Variants in NCOA1 observed in about 807,000 individuals in gnomAD.
The protein encoded by NCOA1 is Hin-2 protein.
A neutral mutation model predicts 150.9 loss-of-function variants in NCOA1; 35 were observed. The observed-to-expected ratio is 0.23, with a 90% CI of 0.18 to 0.31. NCOA1 has a LOEUF of 0.31. NCOA1 is among the 10% of genes least tolerant of loss of function. The probability of loss-of-function intolerance (pLI) is 1.00; values close to 1 mark genes in which losing one functional copy is unlikely to be tolerated. For missense variants in NCOA1, 1,491 were observed against 1,749.3 expected (o/e 0.85, Z 2.63); for synonymous variants, 590 against 630.0 (o/e 0.94, Z 0.95).
chr2:24,527,306 C>T (rs1488067226), intron 1 of NCOA1, among the ~76,000 whole-genome samples: 1 of 152,152 alleles, frequency 6.6e-6, no homozygotes, highest in African/African-American at 2.4e-5. Flanking sequence ...TTTTGACCAA[C>T]ATCATCCAGT....
At chr2:24,691,749 A>T (rs1672676915) in intron 9 of NCOA1, 89 bp downstream of exon 9, 4 of 1,393,338 alleles carry the variant, frequency 2.9e-6, no homozygotes, top group Non-Finnish European at 2.9e-6. Context: ...CCTTTTTCAG[A>T]TAGTATTTTT....
intron 19 of NCOA1, among the ~76,000 whole-genome samples, chr2:24,745,564 CTTCTT>C (rs1271979577): frequency 1.3e-5 from 2 of 152,306 alleles, no homozygotes; most frequent in Non-Finnish European, 2.9e-5. Context: ...CATTTAGAGA[CTTCTT>C]TTCTGTGAAC....
At chr2:24,760,840 G>A (rs747697023) in intron 21 of NCOA1, among the ~76,000 whole-genome samples, 5 of 151,400 alleles carry the variant, frequency 3.3e-5, no homozygotes, top group African/African-American at 4.9e-5. Flanking sequence ...TTTTGTTGTC[G>A]TTTTTTGTTT....
intron 3 of NCOA1, among the ~76,000 whole-genome samples, chr2:24,601,907 A>G (rs1166183963): frequency 6.6e-6 from 1 of 152,172 alleles, no homozygotes; most frequent in African/African-American, 2.4e-5. Context: ...AAGTGCTGGG[A>G]TAACAGGCGT....
At chr2:24,599,983 C>T (rs1011859075) in intron 3 of NCOA1, among the ~76,000 whole-genome samples, 14 of 151,974 alleles carry the variant, frequency 9.2e-5, no homozygotes, top group African/African-American at 2.7e-4. Flanking sequence ...CACCCGCCTC[C>T]GCCTCCCAAA....
intron 1 of NCOA1, among the ~76,000 whole-genome samples, chr2:24,537,949 T>A (rs911928670): frequency 3.9e-5 from 6 of 152,210 alleles, no homozygotes; most frequent in Non-Finnish European, 7.3e-5. Flanking sequence ...AAGGGGACAA[T>A]CCATAGCAAA....
chr2:24,526,052 T>C (rs1664639506), intron 1 of NCOA1, among the ~76,000 whole-genome samples: 2 of 152,234 alleles, frequency 1.3e-5, no homozygotes, highest in Admixed American at 6.5e-5. Flanking sequence ...TATGCTTCTC[T>C]TTTCCAGGCT....
At chr2:24,742,606 G>A (rs1434072620) in intron 19 of NCOA1, among the ~76,000 whole-genome samples, 1 of 151,456 alleles carries the variant, frequency 6.6e-6, no homozygotes, top group Non-Finnish European at 1.5e-5. Context: ...ACAGGCATGT[G>A]CCACCGTGCC....
intron 3 of NCOA1, among the ~76,000 whole-genome samples, chr2:24,641,866 T>C (rs1020703255): frequency 7.2e-5 from 11 of 152,148 alleles, no homozygotes; most frequent in African/African-American, 2.7e-4. Context: ...TGGGATTTAT[T>C]GAGACACTGG....
intron 19 of NCOA1, among the ~76,000 whole-genome samples, chr2:24,746,951 C>T (rs1273622088): frequency 6.6e-6 from 1 of 151,896 alleles, no homozygotes; most frequent in Non-Finnish European, 1.5e-5. Context: ...AAAAATAAAC[C>T]CTATCTAGTG....
rs1553439184 is a variant in NCOA1 at position 24,629,817 on chromosome 2, C to CATATACATATATATATATATAT, written c.-174-14144_-174-14143insCATATATATATATATATATATA. ...GACACTGTTTTAAGTAACATACATACATATATATATATATATATATATATA... is the reference window on the plus strand; with the variant it reads ...GACACTGTTTTAAGTAACATACATACATATACATATATATATATATATATATATATATATATATATATATATA... On this transcript the variant is annotated intron_variant, in intron 3 of 22. Coordinates refer to ENST00000348332, the MANE Select transcript of NCOA1 (RefSeq NM_003743.5). 3.9e-4 allele frequency among the ~76,000 whole-genome samples: 31 copies of CATATACATATATATATATATAT among 79,348 alleles called. 1 individual carries two copies. Among genetic ancestry groups the CATATACATATATATATATATAT allele is most frequent in the African/African-American group, 1.4e-3 (31 of 22,276 alleles). The allele number at this position is 79,348 out of a possible 152,430, so 52.1% of individuals were successfully genotyped here.
At chr2:24,580,500 A>G (rs535347138) in intron 2 of NCOA1, among the ~76,000 whole-genome samples, 5 of 152,234 alleles carry the variant, frequency 3.3e-5, no homozygotes, top group South Asian at 2.1e-4. Flanking sequence ...CTATTGTTCT[A>G]TATTTTGGTT....
chr2:24,513,454 T>G (rs1164367185), intron 1 of NCOA1, among the ~76,000 whole-genome samples: 5 of 152,208 alleles, frequency 3.3e-5, no homozygotes. Context: ...CATCACAATT[T>G]ACTTACTCAC....
chr2:24,498,004 CAGT>C (rs1160384542), intron 1 of NCOA1, among the ~76,000 whole-genome samples: 1 of 152,156 alleles, frequency 6.6e-6, no homozygotes, highest in African/African-American at 2.4e-5. Context: ...GATTATTTAA[CAGT>C]AGGTATTCTA....
chr2:24,627,817 A>T (rs770441435), intron 3 of NCOA1, among the ~76,000 whole-genome samples: 56 of 152,196 alleles, frequency 3.7e-4, no homozygotes, highest in Non-Finnish European at 7.2e-4. Context: ...TTGAGTGTGG[A>T]TTTTCTCTGA....
chr2:24,681,770 A>G (rs1048233583), intron 7 of NCOA1, among the ~76,000 whole-genome samples: 1 of 149,352 alleles, frequency 6.7e-6, no homozygotes, highest in Non-Finnish European at 1.5e-5. Context: ...GCTGGAGTGC[A>G]GTGGCGCGAT....
intron 1 of NCOA1, among the ~76,000 whole-genome samples, chr2:24,497,614 G>A (rs1421246908): frequency 3.3e-5 from 5 of 152,034 alleles, no homozygotes; most frequent in Non-Finnish European, 4.4e-5. Context: ...GGAGGTTGCA[G>A]TGAGCCGAGA....
chr2:24,519,285 C>T (rs1039598903), intron 1 of NCOA1, among the ~76,000 whole-genome samples: 1 of 151,944 alleles, frequency 6.6e-6, no homozygotes, highest in African/African-American at 2.4e-5. Context: ...AAACATTAGG[C>T]TAATTGAAAA....
intron 7 of NCOA1, among the ~76,000 whole-genome samples, chr2:24,676,787 C>G (rs183026905): frequency 1.3e-5 from 2 of 152,230 alleles, no homozygotes; most frequent in East Asian, 1.9e-4. Flanking sequence ...AAGAACCAAA[C>G]TGATCTGATA....
Sources: allele counts gnomAD v4.1 joint callset (sites outside exome capture counted in the v4.1 genomes callset), GRCh38; gene constraint gnomAD v4.1.1; transcripts MANE v1.5; gene names NCBI Gene and HGNC (gene_info 2026-07-23, HGNC 2026-07-21).